Variants in SMCO4 observed in about 807,000 individuals in gnomAD.
SMCO4 encodes single-pass membrane protein with coiled-coil domains 4.
In SMCO4, 4 loss-of-function variants were observed where a neutral mutation model predicts 3.6. That is an observed-to-expected ratio of 1.11 (90% CI 0.54 to 2.53). SMCO4 has a LOEUF of 2.53. Among genes scored for constraint, SMCO4 ranks in the 30% most tolerant of loss-of-function variants. SMCO4 has a pLI of 0.02. For synonymous variants in SMCO4, 36 were observed against 35.3 expected (o/e 1.02, Z -0.07); for missense variants, 70 against 80.8 (o/e 0.87, Z 0.51).
At chr11:93,483,320 G>A (rs1948613301) in intron 2 of SMCO4, among the ~76,000 whole-genome samples, 1 of 152,174 alleles carries the variant, frequency 6.6e-6, no homozygotes, top group Non-Finnish European at 1.5e-5. Flanking sequence ...ATGGCTCTGG[G>A]CCCAGGGGCT....
the SMCO4 span, among the ~76,000 whole-genome samples, chr11:93,552,700 A>T: frequency 1.8e-4 from 28 of 151,434 alleles, no homozygotes; most frequent in South Asian, 5.4e-3. Flanking sequence ...CCAAAGTCCT[A>T]ACCTCAGGTG....
At chr11:93,552,493 A>G in the SMCO4 span, among the ~76,000 whole-genome samples, 1 of 127,410 alleles carries the variant, frequency 7.8e-6, no homozygotes, top group African/African-American at 2.8e-5. Context: ...TATTTTTGAG[A>G]CAGAGTCTCG....
chr11:93,526,863 C>A (rs548860608), intron 1 of SMCO4, among the ~76,000 whole-genome samples: 1 of 152,192 alleles, frequency 6.6e-6, no homozygotes, highest in Non-Finnish European at 1.5e-5. Flanking sequence ...GACTAAAGTA[C>A]AGACTAATTC....
At chr11:93,481,080 G>A (rs939375270) in intron 2 of SMCO4, among the ~76,000 whole-genome samples, 4 of 151,678 alleles carry the variant, frequency 2.6e-5, no homozygotes, top group Non-Finnish European at 5.9e-5. Flanking sequence ...CTTAAGGCCT[G>A]AAAGGTATAG....
chr11:93,503,489 A>G (rs1226242416), intron 1 of SMCO4, among the ~76,000 whole-genome samples: 2 of 152,188 alleles, frequency 1.3e-5, no homozygotes, highest in East Asian at 1.9e-4. Context: ...TCAGGTCCCA[A>G]TCCTGAAACC....
At chr11:93,551,291 A>C in the SMCO4 span, among the ~76,000 whole-genome samples, 1,029 of 152,340 alleles carry the variant, frequency 6.8e-3, 12 homozygotes, top group African/African-American at 0.023. Flanking sequence ...CCTTTCTGGA[A>C]GTGATCTGAA....
chr11:93,543,948 G>C (rs77965528), upstream of SMCO4, among the ~76,000 whole-genome samples: 34 of 152,336 alleles, frequency 2.2e-4, no homozygotes, highest in South Asian at 8.3e-4. Context: ...ACGTGCATAT[G>C]TGTGCGCAGC....
At chr11:93,536,166 T>C (rs1463180311) in intron 1 of SMCO4, among the ~76,000 whole-genome samples, 1 of 151,858 alleles carries the variant, frequency 6.6e-6, no homozygotes, top group Non-Finnish European at 1.5e-5. Flanking sequence ...CAATAATAAA[T>C]GAAATGCCTA....
intron 1 of SMCO4, among the ~76,000 whole-genome samples, chr11:93,514,185 A>T (rs138372098): frequency 2.0e-5 from 3 of 152,060 alleles, no homozygotes; most frequent in Non-Finnish European, 4.4e-5. Context: ...GGAGGGATAC[A>T]GAATCTGTTA....
At chr11:93,534,257 CACACAA>C (rs1164951574) in intron 1 of SMCO4, among the ~76,000 whole-genome samples, 9 of 103,116 alleles carry the variant, frequency 8.7e-5, no homozygotes, top group East Asian at 5.7e-4. Context: ...CACACACACA[CACACAA>C]ACACATATAT....
At chr11:93,481,723 G>A (rs1948594855) in intron 2 of SMCO4, among the ~76,000 whole-genome samples, 1 of 152,192 alleles carries the variant, frequency 6.6e-6, no homozygotes, top group African/African-American at 2.4e-5. Flanking sequence ...TATTCTCTCC[G>A]ACACGGCCTC....
intron 2 of SMCO4, among the ~76,000 whole-genome samples, chr11:93,481,717 C>T (rs1430617142): frequency 2.0e-5 from 3 of 152,258 alleles, no homozygotes; most frequent in Admixed American, 1.3e-4. Flanking sequence ...GCAGCCTATT[C>T]TCTCCGACAC....
At chr11:93,490,873 T>C (rs1480071615) in intron 2 of SMCO4, among the ~76,000 whole-genome samples, 1 of 152,210 alleles carries the variant, frequency 6.6e-6, no homozygotes, top group Non-Finnish European at 1.5e-5. Context: ...GAAAGACGAA[T>C]AGGATGCTGA....
At chr11:93,535,606 GA>G in intron 1 of SMCO4, 1 of 1,555,022 alleles carries the variant, frequency 6.4e-7, no homozygotes, top group South Asian at 1.1e-5. Flanking sequence ...AGGTACTGTG[GA>G]GGGCTTTGAG....
chr11:93,547,912 G>A (rs1949325316), upstream of SMCO4, among the ~76,000 whole-genome samples: 1 of 152,202 alleles, frequency 6.6e-6, no homozygotes, highest in South Asian at 2.1e-4. Flanking sequence ...GTGCTATGCT[G>A]TACTGTCCTT....
At chr11:93,521,650 C>T (rs964016313) in intron 1 of SMCO4, among the ~76,000 whole-genome samples, 6 of 152,184 alleles carry the variant, frequency 3.9e-5, no homozygotes, top group African/African-American at 1.4e-4. Flanking sequence ...GTAAGAATAC[C>T]TGTCATTTCC....
intron 1 of SMCO4, among the ~76,000 whole-genome samples, chr11:93,533,392 C>T (rs546645336): frequency 6.6e-6 from 1 of 152,308 alleles, no homozygotes; most frequent in African/African-American, 2.4e-5. Context: ...AAGTGCCTAA[C>T]ACCATGTCTC....
At chr11:93,535,525 G>A (rs1949213902) in intron 1 of SMCO4, 4 of 1,404,550 alleles carry the variant, frequency 2.8e-6, no homozygotes, top group African/African-American at 2.8e-5. Flanking sequence ...TTTTCCAGAA[G>A]TGCTGGACAT....
intron 1 of SMCO4, among the ~76,000 whole-genome samples, chr11:93,512,247 G>A (rs1433814239): frequency 2.6e-5 from 4 of 152,170 alleles, no homozygotes; most frequent in East Asian, 1.9e-4. Flanking sequence ...GTGAACAAAG[G>A]ACTGCATATA....
Sources: gnomAD v4.1 joint callset for allele counts (sites outside exome capture counted in the v4.1 genomes callset) on GRCh38, gnomAD v4.1.1 for gene constraint, MANE v1.5 for transcripts, NCBI Gene and HGNC (gene_info 2026-07-23, HGNC 2026-07-21) for gene names.